Variants in RARB observed in about 807,000 individuals in gnomAD.
RARB encodes the protein HBV-activated protein.
Under a neutral mutation model 51.9 loss-of-function variants are expected in RARB, and 17 were observed. That is an observed-to-expected ratio of 0.33 (90% CI 0.22 to 0.49). The LOEUF (loss-of-function observed/expected upper bound fraction) is 0.49, where lower values mean the gene tolerates loss of function less well. RARB is among the 20% of genes least tolerant of loss of function. The probability of loss-of-function intolerance (pLI) is 0.99; values close to 1 mark genes in which losing one functional copy is unlikely to be tolerated. For synonymous variants in RARB, 215 were observed against 195.4 expected (o/e 1.10, Z -0.84); for missense variants, 369 against 550.8 (o/e 0.67, Z 3.30).
At chr3:24,956,391 T>G (rs1696014554) in intron 2 of RARB, among the ~76,000 whole-genome samples, 1 of 152,152 alleles carries the variant, frequency 6.6e-6, no homozygotes, top group South Asian at 2.1e-4. Context: ...ACTAATGCTG[T>G]TTTGGATTTG....
At position 24,903,292 on chromosome 3, in the gene RARB, A is replaced by T. The variant is rs868795020; in HGVS notation, c.-380+44540A>T. Among the ~76,000 whole-genome samples the T allele has an allele frequency of 3.3e-5, 5 of 152,284 alleles. No individual in the cohort carries two copies. In the South Asian group the frequency reaches 6.2e-4, roughly 19 times the overall value. On this transcript the variant is annotated intron_variant, in intron 2 of 11. Coordinates refer to the RARB transcript ENST00000383772. ...AATCATAAAAATATGACATTAAGAC[A>T]AACTTCTATGTGAAGTAGAGGAAGG...
intron 2 of RARB, among the ~76,000 whole-genome samples, chr3:25,035,362 T>A (rs1697967882): frequency 1.3e-5 from 2 of 150,556 alleles, no homozygotes; most frequent in African/African-American, 4.9e-5. Flanking sequence ...GCTCAAGCAA[T>A]CTGACATGCT....
chr3:25,235,718 G>T (rs1004720879), intron 5 of RARB, among the ~76,000 whole-genome samples: 1 of 152,188 alleles, frequency 6.6e-6, no homozygotes, highest in African/African-American at 2.4e-5. Context: ...GAAGACATGC[G>T]TGCGAGCACA....
chr3:25,080,732 G>T (rs983036869), intron 3 of RARB, among the ~76,000 whole-genome samples: 2 of 152,056 alleles, frequency 1.3e-5, no homozygotes, highest in African/African-American at 4.8e-5. Flanking sequence ...CTATATTTAA[G>T]CCACTTGCCT....
chr3:25,541,795 A>G (rs1157122199), intron 3 of RARB, among the ~76,000 whole-genome samples: 2 of 152,208 alleles, frequency 1.3e-5, no homozygotes, highest in East Asian at 1.9e-4. Flanking sequence ...AATTTGGTCT[A>G]GTCTCCAACT....
At chr3:25,502,393 A>G (rs1258256074) in intron 3 of RARB, among the ~76,000 whole-genome samples, 1 of 152,170 alleles carries the variant, frequency 6.6e-6, no homozygotes, top group East Asian at 1.9e-4. Flanking sequence ...AACCAGAGGC[A>G]TTACTCTGAG....
chr3:24,914,984 T>C (rs1695074929), intron 2 of RARB, among the ~76,000 whole-genome samples: 1 of 152,220 alleles, frequency 6.6e-6, no homozygotes. Flanking sequence ...CCAGCTTCCA[T>C]ACATAGCATT....
At chr3:25,514,318 C>G (rs1461341633) in intron 3 of RARB, among the ~76,000 whole-genome samples, 1 of 152,132 alleles carries the variant, frequency 6.6e-6, no homozygotes, top group African/African-American at 2.4e-5. Flanking sequence ...ATCCTTCTCC[C>G]TTTACAGCTG....
intron 5 of RARB, among the ~76,000 whole-genome samples, chr3:25,275,410 G>A (rs1220551371): frequency 3.9e-5 from 6 of 152,126 alleles, no homozygotes; most frequent in African/African-American, 7.2e-5. Flanking sequence ...GCAGTGAGCC[G>A]TGATTGGGCC....
intron 1 of RARB, among the ~76,000 whole-genome samples, chr3:24,843,728 GC>G (rs1180870086): frequency 6.6e-6 from 1 of 152,150 alleles, no homozygotes; most frequent in Non-Finnish European, 1.5e-5. Context: ...CCCCAGACCT[GC>G]TGCACTGAAA....
At chr3:25,148,626 CTG>C (rs1700232644) in intron 4 of RARB, among the ~76,000 whole-genome samples, 2 of 152,108 alleles carry the variant, frequency 1.3e-5, no homozygotes, top group Non-Finnish European at 2.9e-5. Context: ...CAAGTATAGA[CTG>C]TATTATTAAA....
chr3:25,008,028 T>G (rs1210245542), intron 2 of RARB, among the ~76,000 whole-genome samples: 1 of 152,128 alleles, frequency 6.6e-6, no homozygotes. Flanking sequence ...TAGCACAGCT[T>G]TTTTTGGCAC....
intron 5 of RARB, among the ~76,000 whole-genome samples, chr3:25,200,253 ACTGT>A (rs1246781723): frequency 8.1e-5 from 12 of 148,946 alleles, no homozygotes; most frequent in African/African-American, 2.9e-4. Context: ...TCTTTTGAGA[ACTGT>A]CTGTTCATAT....
At chr3:25,063,320 A>G (rs552136625) in intron 3 of RARB, among the ~76,000 whole-genome samples, 27 of 152,142 alleles carry the variant, frequency 1.8e-4, no homozygotes, top group Admixed American at 3.3e-4. Context: ...TGAAGGTGTT[A>G]TGTCTTCTGT....
chr3:24,929,429 G>GA (rs1304578977), intron 2 of RARB, among the ~76,000 whole-genome samples: 2 of 152,068 alleles, frequency 1.3e-5, no homozygotes. Context: ...GTTTTAAGGG[G>GA]AAAAATGTTC....
intron 5 of RARB, among the ~76,000 whole-genome samples, chr3:25,211,780 G>T (rs922438764): frequency 1.3e-5 from 2 of 152,130 alleles, no homozygotes; most frequent in African/African-American, 4.8e-5. Context: ...ATGTACATCT[G>T]TGTTCTAGCA....
At chr3:25,474,683 T>C (rs529072208) in intron 2 of RARB, among the ~76,000 whole-genome samples, 10 of 152,334 alleles carry the variant, frequency 6.6e-5, no homozygotes, top group African/African-American at 2.4e-4. Context: ...TGAGCTGTGA[T>C]AAAAAGTATG....
chr3:25,184,377 C>G (rs1485346868), intron 5 of RARB, among the ~76,000 whole-genome samples: 2 of 152,098 alleles, frequency 1.3e-5, no homozygotes, highest in Non-Finnish European at 2.9e-5. Context: ...GCTGTTGTTT[C>G]ATGGTGAATC....
At position 25,592,093 on chromosome 3, in the gene RARB, T is replaced by C. The variant is rs79662015; in HGVS notation, c.787-1410T>C. Among the ~76,000 whole-genome samples, 579 of 152,308 alleles carry C rather than the reference T, an allele frequency of 3.8e-3. 3 individuals are homozygous for C. Among genetic ancestry groups the C allele is most frequent in the African/African-American group, 0.013 (541 of 41,568 alleles). On this transcript the variant is annotated intron_variant, in intron 5 of 7. Transcript: ENST00000330688. The stretch of plus-strand genomic sequence containing the variant: ...AGAGATTTGACAGAAGTTTTTCTTT[T>C]AGGAGACCTGATGGGAATATGGGCA...
Sources: gnomAD v4.1 joint callset for allele counts (sites outside exome capture counted in the v4.1 genomes callset) on GRCh38, gnomAD v4.1.1 for gene constraint, MANE v1.5 for transcripts, NCBI Gene and HGNC (gene_info 2026-07-23, HGNC 2026-07-21) for gene names.